The following TMEM132C variants were observed in gnomAD, a reference collection of about 807,000 sequenced individuals.
TMEM132C encodes transmembrane protein 132C.
Under a neutral mutation model 61.4 loss-of-function variants are expected in TMEM132C, and 29 were observed. The ratio of observed to expected loss-of-function variants is 0.47; its 90% CI spans 0.35 to 0.64. The LOEUF (loss-of-function observed/expected upper bound fraction) is 0.64. TMEM132C is among the 30% of genes least tolerant of loss of function. The pLI, the probability that TMEM132C is intolerant of heterozygous loss-of-function variation, is 0.00. For synonymous variants in TMEM132C, 656 were observed against 633.1 expected (o/e 1.04, Z -0.54); for missense variants, 1,408 against 1,476.9 (o/e 0.95, Z 0.76).
At chr12:128,378,654 G>A (rs1874299179) in intron 1 of TMEM132C, among the ~76,000 whole-genome samples, 1 of 152,144 alleles carries the variant, frequency 6.6e-6, no homozygotes, top group Non-Finnish European at 1.5e-5. Flanking sequence ...ATTCCTCCAT[G>A]CCCAGTGAGT....
chr12:128,276,636 A>G (rs1429237205), intron 1 of TMEM132C, among the ~76,000 whole-genome samples: 2 of 152,142 alleles, frequency 1.3e-5, no homozygotes, highest in African/African-American at 4.8e-5. Flanking sequence ...CCAACTCTGC[A>G]GTTGACTTTT....
rs542371638 is a variant in TMEM132C at position 128,684,398 on chromosome 12, G to A, written c.1450-9431G>A. Reference sequence around the variant, plus strand: ...CACCACAACATTTGGATCCTACAAGGAAGCATATCCTATTGTGAGAAAGTA... The same window carrying A: ...CACCACAACATTTGGATCCTACAAGAAAGCATATCCTATTGTGAGAAAGTA... On this transcript the variant is annotated intron_variant, in intron 5 of 8. Transcript: ENST00000435159. 4.7e-4 allele frequency among the ~76,000 whole-genome samples: 71 copies of A among 152,128 alleles called. 2 individuals carry two copies. In the South Asian group the frequency reaches 0.014, roughly 30 times the overall value.
chr12:128,681,817 A>ATTTTTTTTTTTTTTTTTTTTT (rs35154554), intron 5 of TMEM132C, among the ~76,000 whole-genome samples: 5 of 86,478 alleles, frequency 5.8e-5, no homozygotes, highest in Non-Finnish European at 8.3e-5. Context: ...CCACGCCTGG[A>ATTTTTTTTTTTTTTTTTTTTT]TTTTTTTTTT....
chr12:128,503,944 T>C (rs528400358), intron 2 of TMEM132C, among the ~76,000 whole-genome samples: 2 of 152,354 alleles, frequency 1.3e-5, no homozygotes, highest in Non-Finnish European at 2.9e-5. Flanking sequence ...TGCCACGTGG[T>C]TCTGGCCCAT....
intron 2 of TMEM132C, among the ~76,000 whole-genome samples, chr12:128,497,468 G>A (rs989771845): frequency 1.3e-5 from 2 of 150,716 alleles, no homozygotes; most frequent in Admixed American, 6.6e-5. Context: ...TTGAGCTATG[G>A]TGGGCTCCAC....
At chr12:128,619,055 T>C (rs1413782588) in intron 4 of TMEM132C, among the ~76,000 whole-genome samples, 2 of 152,182 alleles carry the variant, frequency 1.3e-5, no homozygotes, top group Non-Finnish European at 2.9e-5. Flanking sequence ...TTATTGGAAG[T>C]AACTAGCTAA....
At position 128,642,644 on chromosome 12, in the gene TMEM132C, A is replaced by G. The variant is rs200728862; in HGVS notation, c.1305+26309A>G. 7.9e-5 allele frequency among the ~76,000 whole-genome samples: 12 copies of G among 152,258 alleles called. No homozygotes were observed. The East Asian group carries it at 2.1e-3, about 27-fold the overall frequency. On this transcript the variant is annotated intron_variant, in intron 4 of 8. Transcript: ENST00000435159. ...CCTTCCTTTGCCTTCCTCCCTGAAT[A>G]AAAGCTTTCTGAGGCTTCCCCAGAG...
chr12:128,312,611 G>A (rs1872010244), intron 1 of TMEM132C, among the ~76,000 whole-genome samples: 1 of 152,152 alleles, frequency 6.6e-6, no homozygotes, highest in Non-Finnish European at 1.5e-5. Context: ...AGACATTGGA[G>A]GGACACAGTT....
At chr12:128,331,517 A>G (rs929386707) in intron 1 of TMEM132C, among the ~76,000 whole-genome samples, 6 of 152,186 alleles carry the variant, frequency 3.9e-5, no homozygotes, top group African/African-American at 1.4e-4. Flanking sequence ...AAGATGTGAT[A>G]TTTGACTGTC....
intron 1 of TMEM132C, among the ~76,000 whole-genome samples, chr12:128,366,779 A>G (rs1048832653): frequency 1.3e-5 from 2 of 152,220 alleles, no homozygotes; most frequent in Non-Finnish European, 2.9e-5. Flanking sequence ...CTTAATTAAT[A>G]TGCATGTATT....
chr12:128,363,085 C>T (rs906281863), intron 1 of TMEM132C, among the ~76,000 whole-genome samples: 1 of 152,162 alleles, frequency 6.6e-6, no homozygotes, highest in African/African-American at 2.4e-5. Context: ...CAAAAGTCAA[C>T]TATAAATAGA....
chr12:128,579,395 G>T (rs1049927925), intron 3 of TMEM132C, among the ~76,000 whole-genome samples: 1 of 152,282 alleles, frequency 6.6e-6, no homozygotes, highest in South Asian at 2.1e-4. Flanking sequence ...CTGAAAAACT[G>T]TCACTTTGTG....
chr12:128,336,442 T>TG (rs1872793549), intron 1 of TMEM132C, among the ~76,000 whole-genome samples: 2 of 152,204 alleles, frequency 1.3e-5, no homozygotes, highest in Admixed American at 1.3e-4. Context: ...AATCATATGA[T>TG]GAAGACATCC....
chr12:128,487,960 A>G lies in TMEM132C; in HGVS notation c.975-55997A>G, dbSNP rs79679122. Among the ~76,000 whole-genome samples the G allele has an allele frequency of 7.5e-3, 1,141 of 152,308 alleles. 15 individuals are homozygous for G. The highest frequency in any genetic ancestry group is 0.026 in the African/African-American group (1,086 of 41,566). On this transcript the variant is annotated intron_variant, in intron 2 of 8. Transcript: ENST00000435159. The stretch of plus-strand genomic sequence containing the variant: ...CCAAACTTCAAAACACAGTTCTTCC[A>G]TTGCAGTAGCCACATTTCAGGTGGC...
intron 1 of TMEM132C, among the ~76,000 whole-genome samples, chr12:128,397,742 G>T (rs902621089): frequency 1.3e-5 from 2 of 151,934 alleles, no homozygotes; most frequent in East Asian, 1.9e-4. Flanking sequence ...TCCTCACATG[G>T]CCACCTTCTG....
chr12:128,612,868 G>C (rs1432060548), intron 3 of TMEM132C, among the ~76,000 whole-genome samples: 1 of 152,198 alleles, frequency 6.6e-6, no homozygotes, highest in African/African-American at 2.4e-5. Context: ...TTCGTTAGCA[G>C]AATTGCAGTG....
intron 1 of TMEM132C, among the ~76,000 whole-genome samples, chr12:128,386,621 G>T (rs1874590077): frequency 6.6e-6 from 1 of 152,164 alleles, no homozygotes; most frequent in Non-Finnish European, 1.5e-5. Context: ...ACCCACTCTG[G>T]GCTGGGATTG....
Position 128,326,472 on chromosome 12 carries a change from T to C in TMEM132C, c.85+58985T>C, listed in dbSNP as rs541527204. Among the ~76,000 whole-genome samples the C allele has an allele frequency of 1.3e-5, 2 of 152,348 alleles. No individual in the cohort carries two copies. The highest frequency in any genetic ancestry group is 4.1e-4 in the South Asian group (2 of 4,828). ...ATCTTTGCAAAGGCAGATGTACAAA[T>C]CATCCTGGTTCTCCAGAGGGGTCTT... On this transcript the variant is annotated intron_variant, in intron 1 of 8. Transcript: ENST00000435159. The surrounding 1 kb of genome is among the most constrained non-coding windows in gnomAD (Gnocchi z 5.6).
intron 2 of TMEM132C, among the ~76,000 whole-genome samples, chr12:128,472,960 T>A (rs530688548): frequency 6.6e-6 from 1 of 152,308 alleles, no homozygotes; most frequent in Non-Finnish European, 1.5e-5. Context: ...ATAGAAATGT[T>A]GATTTGGGGC....
Sources: gnomAD v4.1 joint callset for allele counts (sites outside exome capture counted in the v4.1 genomes callset) on GRCh38, gnomAD v4.1.1 for gene constraint, Gnocchi (gnomAD v3.1) non-coding constraint, MANE v1.5 for transcripts, NCBI Gene and HGNC (gene_info 2026-07-23, HGNC 2026-07-21) for gene names.